Variants in PRKN observed in about 807,000 individuals in gnomAD.
The protein encoded by PRKN is E3 ubiquitin-protein ligase parkin.
PRKN carries 56 observed loss-of-function variants against 59.5 expected under a neutral mutation model. That is an observed-to-expected ratio of 0.94 (90% CI 0.76 to 1.18). PRKN has a LOEUF of 1.18. PRKN is among the 50% of genes most tolerant of loss of function. The pLI is 0.00. For missense variants in PRKN, 657 were observed against 596.4 expected (o/e 1.10, Z -1.06); for synonymous variants, 250 against 222.1 (o/e 1.13, Z -1.12).
rs560793889 is a variant in PRKN, at chr6:162,330,415, TAGCTTTTTATAAAAGAAAGCAAAC to T, written c.172-67674_172-67651del. Among the ~76,000 whole-genome samples, 320 of 152,324 alleles carry T rather than the reference TAGCTTTTTATAAAAGAAAGCAAAC, an allele frequency of 2.1e-3. 2 individuals carry two copies. The highest frequency in any genetic ancestry group is 7.4e-3 in the African/African-American group (308 of 41,572). The stretch of plus-strand genomic sequence containing the variant: ...TTTATTCTATCTGGTATTTGTGCAG[TAGCTTTTTATAAAAGAAAGCAAAC>T]AGCTTCACCTTTGTTTCTGTTATAT... On this transcript the variant is annotated intron_variant, in intron 2 of 11. Transcript: ENST00000366898.
chr6:161,791,468 T>C (rs1274786493), intron 6 of PRKN, among the ~76,000 whole-genome samples: 1 of 152,230 alleles, frequency 6.6e-6, no homozygotes, highest in Non-Finnish European at 1.5e-5. Flanking sequence ...ACCTTGTTTG[T>C]TCTCTCTCAT....
chr6:161,451,369 C>CTTT lies in PRKN; in HGVS notation c.1084-64493_1084-64492insAAA. ...GCTCCCTCTTGATTTTGGGACCAAG[C>CTTT]ATTGAATATAAAGTTAGGATGTGGC... On this transcript the variant is annotated intron_variant, in intron 9 of 11. Coordinates refer to ENST00000366898, the MANE Select transcript of PRKN (RefSeq NM_004562.3). The surrounding 1 kb of genome is among the most constrained non-coding windows in gnomAD (Gnocchi z 5.9). Among the ~76,000 whole-genome samples, 1 of 152,190 alleles carries CTTT rather than the reference C, an allele frequency of 6.6e-6. No homozygotes were observed. The highest frequency in any genetic ancestry group is 1.9e-4 in the East Asian group (1 of 5,198).
At chr6:162,042,534 C>T (rs1014462866) in intron 5 of PRKN, among the ~76,000 whole-genome samples, 9 of 152,098 alleles carry the variant, frequency 5.9e-5, no homozygotes, top group Non-Finnish European at 1.2e-4. Context: ...AACAATACTA[C>T]TGCCTTGGCC....
rs151106690 is a variant in PRKN at position 161,868,532 on chromosome 6, G to T, written c.735-82624C>A. Among the ~76,000 whole-genome samples the T allele has an allele frequency of 7.2e-3, 1,096 of 152,202 alleles. 15 individuals carry two copies. Among genetic ancestry groups the T allele is most frequent in the Admixed American group, 0.021 (315 of 15,288 alleles). On this transcript the variant is annotated intron_variant, in intron 6 of 11. Transcript: ENST00000366898. ...GGAGGCAGAGGTTGCAGTGAGCTGA[G>T]ATCACACCACTGCACTCCAACCTAG...
intron 2 of PRKN, among the ~76,000 whole-genome samples, chr6:162,368,833 A>C (rs1018718353): frequency 1.3e-5 from 2 of 152,186 alleles, no homozygotes; most frequent in Non-Finnish European, 2.9e-5. Flanking sequence ...GTTTTTTCAC[A>C]ATTACAGAGA....
At chr6:161,514,044 C>T (rs113640509) in intron 9 of PRKN, among the ~76,000 whole-genome samples, 2 of 151,634 alleles carry the variant, frequency 1.3e-5, no homozygotes, top group South Asian at 2.1e-4. Context: ...ACGATCTTCT[C>T]AAAGCAGAAA....
chr6:162,358,443 C>T (rs1784970507), intron 2 of PRKN, among the ~76,000 whole-genome samples: 2 of 152,022 alleles, frequency 1.3e-5, no homozygotes, highest in South Asian at 4.1e-4. Context: ...TATTTCTATT[C>T]CTTCTTTTTA....
intron 4 of PRKN, among the ~76,000 whole-genome samples, chr6:162,088,582 G>C (rs779264487): frequency 5.3e-5 from 8 of 152,032 alleles, no homozygotes; most frequent in African/African-American, 9.7e-5. Flanking sequence ...ATAGTTCACT[G>C]GTAAAAGATA....
chr6:162,108,209 T>C (rs181403838), intron 4 of PRKN, among the ~76,000 whole-genome samples: 5 of 152,150 alleles, frequency 3.3e-5, no homozygotes, highest in African/African-American at 7.2e-5. Context: ...TGGTTCCACA[T>C]GCCAATGCCA....
At chr6:161,889,050 C>G (rs139660400) in intron 6 of PRKN, among the ~76,000 whole-genome samples, 121 of 152,076 alleles carry the variant, frequency 8.0e-4, no homozygotes, top group African/African-American at 2.6e-3. Flanking sequence ...AAGTTTATTT[C>G]CATAAAAACT....
intron 1 of PRKN, among the ~76,000 whole-genome samples, chr6:162,622,302 TG>T (rs66761158): frequency 0.13 from 13,109 of 101,546 alleles, 722 homozygotes; most frequent in East Asian, 0.54. Context: ...TTTTTTTTTT[TG>T]TTTTGTTTTT....
At chr6:162,261,901 C>G (rs1286604201) in intron 3 of PRKN, among the ~76,000 whole-genome samples, 2 of 152,130 alleles carry the variant, frequency 1.3e-5, no homozygotes, top group Non-Finnish European at 2.9e-5. Flanking sequence ...CCAGAACTTT[C>G]TGACACTGTG....
At chr6:161,712,235 G>A (rs1215616942) in intron 7 of PRKN, among the ~76,000 whole-genome samples, 1 of 152,092 alleles carries the variant, frequency 6.6e-6, no homozygotes, top group African/African-American at 2.4e-5. Context: ...CACATAACAA[G>A]CAGTAATGGA....
intron 7 of PRKN, among the ~76,000 whole-genome samples, chr6:161,737,360 G>T (rs1404710217): frequency 6.6e-6 from 1 of 152,214 alleles, no homozygotes; most frequent in African/African-American, 2.4e-5. Context: ...AGGTTCACAT[G>T]AGGGACAGAA....
At position 161,530,275 on chromosome 6, in the gene PRKN, C is replaced by T. The variant is rs114177213; in HGVS notation, c.1083+18579G>A. 1.2e-4 allele frequency among the ~76,000 whole-genome samples: 19 copies of T among 152,268 alleles called. No homozygotes were observed. Among genetic ancestry groups the T allele is most frequent in the East Asian group, 9.7e-4 (5 of 5,172 alleles). ...AATTTAGACATTTTTTGAAGATTCA[C>T]GTGTTTGGTTCAATATAAAAGTATC... On this transcript the variant is annotated intron_variant, in intron 9 of 11. Transcript: ENST00000366898. The surrounding 1 kb of genome is among the most constrained non-coding windows in gnomAD (Gnocchi z 5.0).
intron 1 of PRKN, among the ~76,000 whole-genome samples, chr6:162,608,586 G>A (rs947245576): frequency 6.6e-6 from 1 of 152,148 alleles, no homozygotes; most frequent in Admixed American, 6.5e-5. Context: ...AAGGTTAAAG[G>A]ACAAATAGTC....
intron 6 of PRKN, among the ~76,000 whole-genome samples, chr6:161,907,823 G>A (rs6941928): frequency 0.41 from 62,357 of 151,926 alleles, 13,448 homozygotes; most frequent in Middle Eastern, 0.54. Context: ...TATGCCTATC[G>A]TCCCAGCACT....
At chr6:161,987,831 T>C (rs769686009) in intron 5 of PRKN, among the ~76,000 whole-genome samples, 27 of 152,206 alleles carry the variant, frequency 1.8e-4, no homozygotes, top group Non-Finnish European at 3.2e-4. Context: ...ATTTATTTGT[T>C]TATCTCTCCT....
intron 1 of PRKN, among the ~76,000 whole-genome samples, chr6:162,518,422 G>A (rs565003177): frequency 1.3e-5 from 2 of 152,164 alleles, no homozygotes; most frequent in Non-Finnish European, 2.9e-5. Context: ...TTGGAGTGCT[G>A]TGGCGCAATC....
Sources: allele counts gnomAD v4.1 joint callset (sites outside exome capture counted in the v4.1 genomes callset), GRCh38; gene constraint gnomAD v4.1.1; non-coding constraint Gnocchi (gnomAD v3.1); transcripts MANE v1.5; gene names NCBI Gene and HGNC (gene_info 2026-07-23, HGNC 2026-07-21).